Variants in CDK11A observed in about 807,000 individuals in gnomAD.
CDK11A encodes the protein cyclin dependent kinase 11A.
Under a neutral mutation model 83.6 loss-of-function variants are expected in CDK11A, and 55 were observed. That is an observed-to-expected ratio of 0.66 (90% confidence interval 0.53 to 0.82). The LOEUF (loss-of-function observed/expected upper bound fraction) is 0.82, where lower values mean the gene tolerates loss of function less well. CDK11A is among the 40% of genes least tolerant of loss of function. The probability of loss-of-function intolerance (pLI) is 0.00; values close to 1 mark genes in which losing one functional copy is unlikely to be tolerated. For missense variants in CDK11A, 564 were observed against 810.1 expected (o/e 0.70, Z 3.69); for synonymous variants, 247 against 302.7 (o/e 0.82, Z 1.91).
rs186584733 is a variant in CDK11A, at chr1:1,704,238, G to C, written c.1671C>G (p.His557Gln). ...DLKTSNLLLS[H>Q]AGILKVGDFG... The stretch of plus-strand genomic sequence containing the variant: ...GGGGGCTCACCTTGAGGATGCCGGC[G>C]TGGCTCAGCAGCAGGTTGGACGTCT... Residue 557 changes from histidine (H) to glutamine (Q), a missense_variant, in exon 15 of 20, where the codon CAC (histidine) becomes CAG (glutamine). His to Gln is a conservative substitution (Grantham distance 24). Around this residue, in one of 5 missense-constraint regions of CDK11A, gnomAD observed 361 missense variants for 402.7 expected, o/e 0.90. Coordinates refer to ENST00000404249, the MANE Select transcript of CDK11A (RefSeq NM_024011.4). 4 of 1,608,520 alleles carry C rather than the reference G, an allele frequency of 2.5e-6. 1 individual carries two copies. Among genetic ancestry groups the C allele is most frequent in the East Asian group, 4.5e-5 (2 of 44,790 alleles).
intron 4 of CDK11A, among the ~76,000 whole-genome samples, chr1:1,717,197 A>T (rs72634832): frequency 1.3e-5 from 2 of 151,376 alleles, no homozygotes; most frequent in African/African-American, 2.4e-5. Flanking sequence ...TCTTTTAAAA[A>T]TTTTCTATAC....
At chr1:1,718,593 A>C (rs61777469) in intron 4 of CDK11A, among the ~76,000 whole-genome samples, 118,840 of 147,116 alleles carry the variant, frequency 0.81, 50,354 homozygotes, top group Non-Finnish European at 0.93. Flanking sequence ...CTCTATAGCC[A>C]TTCTGAACGG....
chr1:1,706,325 GGCCT>G (rs1384742247), intron 11 of CDK11A, among the ~76,000 whole-genome samples: 2 of 151,164 alleles, frequency 1.3e-5, no homozygotes, highest in African/African-American at 2.4e-5. Flanking sequence ...CCACCGCCTC[GGCCT>G]CCCAAAGTGC....
chr1:1,715,519 C>G (rs1165961691), intron 5 of CDK11A, among the ~76,000 whole-genome samples: 1 of 148,202 alleles, frequency 6.7e-6, no homozygotes, highest in Non-Finnish European at 1.5e-5. Context: ...AGGAACTAGG[C>G]CAACTGAAAC....
chr1:1,722,081 T>G (rs1264661923), intron 2 of CDK11A, among the ~76,000 whole-genome samples: 1 of 150,690 alleles, frequency 6.6e-6, no homozygotes, highest in Non-Finnish European at 1.5e-5. Context: ...AACCTGGCCC[T>G]GGGCGACAGT....
At chr1:1,718,280 T>G (rs1644756980) in intron 4 of CDK11A, among the ~76,000 whole-genome samples, 1 of 148,024 alleles carries the variant, frequency 6.8e-6, no homozygotes, top group South Asian at 2.2e-4. Context: ...TGGTTTTCGG[T>G]CTGTGACACA....
chr1:1,717,008 G>C (rs1003883675), intron 4 of CDK11A, among the ~76,000 whole-genome samples: 1 of 135,566 alleles, frequency 7.4e-6, no homozygotes, highest in Non-Finnish European at 1.6e-5. Context: ...CTCCATCCTT[G>C]TCCTCCCAAA....
chr1:1,708,177 T>C lies in CDK11A; in HGVS notation c.1069+3A>G. 6.5e-7 allele frequency: 1 copy of C among 1,532,788 alleles called. No homozygotes were observed. Among genetic ancestry groups the C allele is most frequent in the Non-Finnish European group, 8.9e-7 (1 of 1,128,808 alleles). The allele number at this position is 1,532,788 out of a possible 1,614,324, so 94.9% of individuals were successfully genotyped here. A position where few individuals can be genotyped will look rare whatever the true frequency, so the allele number is the denominator to read the frequency against. On this transcript the variant is annotated splice_donor_region_variant and intron_variant, in intron 10 of 19. Coordinates refer to ENST00000404249, the MANE Select transcript of CDK11A (RefSeq NM_024011.4). ...GGGGCTCTGTCTCCAGGGAGGTTCTTACCAACCAAGAGGTGGTTTTCATTT... is the reference window on the plus strand; with the variant it reads ...GGGGCTCTGTCTCCAGGGAGGTTCTCACCAACCAAGAGGTGGTTTTCATTT...
intron 4 of CDK11A, among the ~76,000 whole-genome samples, chr1:1,717,055 C>A (rs759237621): frequency 5.2e-5 from 5 of 95,704 alleles, no homozygotes; most frequent in African/African-American, 1.5e-4. Flanking sequence ...TGCACCCAGT[C>A]GAATAATCAT....
rs1468376069 is a variant in CDK11A, at chr1:1,703,346, C to T, written c.2061-77G>A. The T allele has an allele frequency of 2.6e-5, 20 of 766,720 alleles. 2 individuals carry two copies. The highest frequency in any genetic ancestry group is 6.6e-5 in the Admixed American group (2 of 30,416). The allele number at this position is 766,720 out of a possible 1,614,324, so 47.5% of individuals were successfully genotyped here. On this transcript the variant is annotated intron_variant, in intron 18 of 19. Transcript: ENST00000404249. ...CCCCCAAAGATGGGCTGTGTTGGGA[C>T]GGGGCTCAGGGCATGGGACGCCAGG... is the stretch of plus-strand genomic sequence containing the variant.
Position 1,713,165 on chromosome 1 carries a change from C to G in CDK11A, c.489-765G>C, listed in dbSNP as rs189563747. On this transcript the variant is annotated intron_variant, in intron 5 of 19. Transcript: ENST00000404249. Reference sequence around the variant, plus strand: ...CACCCAGGTGATTTTTGTATTTTTACTAGAGACAGGGTTTCACCATGTTGG... The same window carrying G: ...CACCCAGGTGATTTTTGTATTTTTAGTAGAGACAGGGTTTCACCATGTTGG... 7.1e-3 allele frequency among the ~76,000 whole-genome samples: 307 copies of G among 43,428 alleles called. 49 individuals carry two copies. Among genetic ancestry groups the G allele is most frequent in the African/African-American group, 0.011 (279 of 25,490 alleles). The allele number at this position is 43,428 out of a possible 152,430, so 28.5% of individuals were successfully genotyped here. A position where few individuals can be genotyped will look rare whatever the true frequency, so the allele number is the denominator to read the frequency against.
chr1:1,717,823 C>T (rs1364720852), intron 4 of CDK11A, among the ~76,000 whole-genome samples: 1 of 150,472 alleles, frequency 6.6e-6, no homozygotes, highest in African/African-American at 2.4e-5. Context: ...ACGCTTTCAG[C>T]TAGAGTATCC....
At position 1,708,212 on chromosome 1, in the gene CDK11A, T is replaced by TC; in HGVS notation, c.1036dup (p.Glu346GlyfsTer6). ...GAGGTGGTTTTCATTTTCTCGTTCT[T>TC]CATCTTCACTCATTTCTTCCTCACT... On this transcript the variant is annotated frameshift_variant, in exon 10 of 20. Coordinates refer to ENST00000404249, the MANE Select transcript of CDK11A (RefSeq NM_024011.4). LOFTEE classifies it high-confidence loss of function. 6.4e-7 allele frequency: 1 copy of TC among 1,556,746 alleles called. No individual in the cohort carries two copies.
At chr1:1,721,969 G>C (rs1173480404) in intron 2 of CDK11A, 2 of 378,850 alleles carry the variant, frequency 5.3e-6, no homozygotes, top group African/African-American at 4.2e-5. Context: ...GGCTAACACG[G>C]AGAGACCCCA....
intron 6 of CDK11A, among the ~76,000 whole-genome samples, chr1:1,710,455 C>T (rs1394126023): frequency 1.2e-5 from 1 of 80,452 alleles, no homozygotes; most frequent in African/African-American, 3.6e-5. Flanking sequence ...CACAACAGGC[C>T]GACCCCACAG....
Position 1,702,530 on chromosome 1 carries a change from G to A in CDK11A, c.*377C>T, listed in dbSNP as rs1644125996. Among the ~76,000 whole-genome samples, 1 of 116,416 alleles carries A rather than the reference G, an allele frequency of 8.6e-6. No individual in the cohort carries two copies. Among genetic ancestry groups the A allele is most frequent in the Admixed American group, 9.2e-5 (1 of 10,828 alleles). 76.4% of individuals were successfully genotyped at this position (116,416 alleles called of 152,430 possible). ...TCTGGACGAGTGGGTTGGGGCAAGA[G>A]GGCATCGCTCATCCCAACACAGAAA... is the stretch of plus-strand genomic sequence containing the variant. On this transcript the variant is annotated 3_prime_UTR_variant, in exon 20 of 20. Coordinates refer to ENST00000404249, the MANE Select transcript of CDK11A (RefSeq NM_024011.4).
At chr1:1,704,012 G>C in intron 16 of CDK11A, 27 bp downstream of exon 16, 1 of 1,602,134 alleles carries the variant, frequency 6.2e-7, no homozygotes, top group Non-Finnish European at 8.5e-7. Context: ...GGGGGACAGG[G>C]GAGGCACTCA....
chr1:1,716,814 C>CAAAAAAAAAAAAAAAAA (rs1168780288), intron 4 of CDK11A, among the ~76,000 whole-genome samples: 16 of 76,676 alleles, frequency 2.1e-4, no homozygotes, highest in Admixed American at 3.1e-4. Flanking sequence ...GACTCCATCT[C>CAAAAAAAAAAAAAAAAA]AAAAAAAAAA....
chr1:1,721,961 C>G, intron 2 of CDK11A: 1 of 396,982 alleles, frequency 2.5e-6, no homozygotes. Flanking sequence ...ACCATCCTGG[C>G]TAACACGGAG....
Sources: allele counts gnomAD v4.1 joint callset (sites outside exome capture counted in the v4.1 genomes callset), GRCh38; gene constraint gnomAD v4.1.1; regional missense constraint gnomAD v4.1.1; transcripts MANE v1.5; gene names NCBI Gene and HGNC (gene_info 2026-07-23, HGNC 2026-07-21).